The following NCF2 variants were observed in gnomAD, a reference collection of about 807,000 sequenced individuals.
NCF2 encodes the protein neutrophil cytosolic factor 2.
In NCF2, 45 loss-of-function variants were observed where a neutral mutation model predicts 70.9. That is an observed-to-expected ratio of 0.63 (90% CI 0.50 to 0.81). The LOEUF (loss-of-function observed/expected upper bound fraction) is 0.81. Among genes scored for constraint, NCF2 ranks in the 40% least tolerant of loss-of-function variants. The pLI, the probability that NCF2 is intolerant of heterozygous loss-of-function variation, is 0.00. For missense variants in NCF2, 522 were observed against 631.6 expected (o/e 0.83, Z 1.86); for synonymous variants, 203 against 233.6 (o/e 0.87, Z 1.19).
intron 13 of NCF2, among the ~76,000 whole-genome samples, chr1:183,562,839 A>AT (rs1481811834): frequency 6.6e-6 from 1 of 150,796 alleles, no homozygotes; most frequent in Non-Finnish European, 1.5e-5. Flanking sequence ...AAAAAAAAAA[A>AT]GGTGAAGAAT....
At chr1:183,573,421 G>T in intron 4 of NCF2, 129 bp from the exon 5 acceptor site, 1 of 895,200 alleles carries the variant, frequency 1.1e-6, no homozygotes, top group Non-Finnish European at 1.8e-6. Context: ...CCAAATGAGT[G>T]TTGTCATTCC....
At chr1:183,577,065 A>G (rs774524948) in intron 3 of NCF2, among the ~76,000 whole-genome samples, 19 of 152,264 alleles carry the variant, frequency 1.2e-4, no homozygotes, top group Non-Finnish European at 2.6e-4. Flanking sequence ...AAGAGGGGAC[A>G]GATTTATGCC....
At chr1:183,573,383 AT>A in intron 4 of NCF2, 91 bp from the exon 5 acceptor site, 1 of 1,165,330 alleles carries the variant, frequency 8.6e-7, no homozygotes, top group Non-Finnish European at 1.3e-6. Flanking sequence ...GCAAGAATTC[AT>A]TGAGATAACC....
At chr1:183,563,876 T>C (rs577412096) in intron 11 of NCF2, 129 bp downstream of exon 11, 12 of 1,087,180 alleles carry the variant, frequency 1.1e-5, no homozygotes, top group Middle Eastern at 2.1e-4. Context: ...TCATGGACTC[T>C]GTAAGGTAGC....
intron 3 of NCF2, among the ~76,000 whole-genome samples, chr1:183,575,255 A>C (rs1672748706): frequency 6.6e-6 from 1 of 152,224 alleles, no homozygotes; most frequent in Non-Finnish European, 1.5e-5. Context: ...GAATCACTTG[A>C]GGTCAGGAGT....
At chr1:183,559,948 T>G (rs1671968487) in intron 14 of NCF2, 148 bp downstream of exon 14, 3 of 798,154 alleles carry the variant, frequency 3.8e-6, no homozygotes, top group Non-Finnish European at 6.2e-6. Flanking sequence ...GTGCTCAACT[T>G]TGCTCCCTCC....
chr1:183,567,226 G>A lies in NCF2; in HGVS notation c.833C>T (p.Ala278Val). The A allele has an allele frequency of 6.2e-7, 1 of 1,614,050 alleles. No homozygotes were observed. Among genetic ancestry groups the A allele is most frequent in the South Asian group, 1.1e-5 (1 of 91,076 alleles). ...FVLKKGNDNW[A>V]TVMFNGQKGL... The stretch of plus-strand genomic sequence containing the variant: ...TACCTGCCCGTTGAACATGACCGTG[G>A]CCCAGTTATCATTGCCCTTCTTCAA... The change falls in exon 8 of 15, where the codon GCC becomes GTC. Residue 278 changes from alanine (A) to valine (V), a missense_variant. Ala to Val is a moderately conservative substitution (Grantham distance 64). Transcript: ENST00000367535.
Position 183,567,265 on chromosome 1 carries a change from T to A in NCF2, c.794A>T (p.Asn265Ile). ...TKEELQVMPG[N>I]IVFVLKKGND... ...GCCCTTCTTCAAGACAAAGACAATG[T>A]TCCCTGGCATGACCTGGAGCTCTTC... Residue 265 changes from asparagine to isoleucine, a missense_variant, in exon 8 of 15, where the codon AAC becomes ATC. Coordinates refer to ENST00000367535, the MANE Select transcript of NCF2 (RefSeq NM_000433.4). 1 of 1,614,140 alleles carries A rather than the reference T, an allele frequency of 6.2e-7. No homozygotes were observed. Among genetic ancestry groups the A allele is most frequent in the South Asian group, 1.1e-5 (1 of 91,078 alleles).
At chr1:183,585,624 C>CAAA (rs750881920) in intron 2 of NCF2, among the ~76,000 whole-genome samples, 8 of 114,602 alleles carry the variant, frequency 7.0e-5, no homozygotes, top group African/African-American at 3.2e-4. Context: ...AACTCCGTCT[C>CAAA]AAAAAAAAAA....
At chr1:183,593,593 C>T (rs1673724336), upstream of NCF2, among the ~76,000 whole-genome samples, 1 of 152,188 alleles carries the variant, frequency 6.6e-6, no homozygotes, top group Admixed American at 6.5e-5. Context: ...GCCTGCCTGG[C>T]TAGTTCCTAC....
intron 7 of NCF2, among the ~76,000 whole-genome samples, chr1:183,568,599 C>T (rs1306666380): frequency 6.6e-6 from 1 of 151,574 alleles, no homozygotes; most frequent in African/African-American, 2.4e-5. Context: ...TCCTTTTCTT[C>T]AGTCCTTCCT....
chr1:183,584,557 C>CA, intron 2 of NCF2, among the ~76,000 whole-genome samples: 1 of 152,306 alleles, frequency 6.6e-6, no homozygotes, highest in Admixed American at 6.5e-5. Context: ...TCCTGGGACT[C>CA]ACGGGCATTT....
chr1:183,570,651 AGCTGCACTGAGG>A lies in NCF2; in HGVS notation c.669+117_669+128del, dbSNP rs1292017589. The stretch of plus-strand genomic sequence containing the variant: ...CTGAGAGAGGGCAGGCAGATCCCTC[AGCTGCACTGAGG>A]GCCACTTGAAGGAGCCCTTACAATC... On this transcript the variant is annotated intron_variant, in intron 6 of 14. Transcript: ENST00000367535. 6 of 911,476 alleles carry A rather than the reference AGCTGCACTGAGG, an allele frequency of 6.6e-6. No homozygotes were observed. In the Admixed American group the frequency reaches 1.2e-4, roughly 18 times the overall value. 56.5% of individuals were successfully genotyped at this position (911,476 alleles called of 1,614,324 possible). A position where few individuals can be genotyped will look rare whatever the true frequency, so the allele number is the denominator to read the frequency against.
chr1:183,599,763 G>C, the NCF2 span, among the ~76,000 whole-genome samples: 17 of 152,122 alleles, frequency 1.1e-4, no homozygotes, highest in East Asian at 3.1e-3. Context: ...ATGTTGGCCA[G>C]GCTGGTCTCA....
chr1:183,594,388 G>A (rs537671896), upstream of NCF2, among the ~76,000 whole-genome samples: 2 of 152,286 alleles, frequency 1.3e-5, no homozygotes, highest in African/African-American at 4.8e-5. Context: ...CAGCCTAGGT[G>A]ACTGAGCAAG....
intron 2 of NCF2, among the ~76,000 whole-genome samples, chr1:183,583,140 C>A (rs1477257572): frequency 6.6e-6 from 1 of 152,060 alleles, no homozygotes; most frequent in African/African-American, 2.4e-5. Flanking sequence ...GCAACATCTG[C>A]CTCCCAGGTC....
In NCF2 at chr1:183,586,917, T is replaced by C. The variant is rs137854512; in HGVS notation, c.235A>G (p.Met79Val). ...TACTTCTCTGTCTGGTAGTAGAGCA[T>C]CCCTCGTTGGAAGTAAGCCACTGCC... ...HLAVAYFQRG[M>V]LYYQTEKYDL... The change falls in exon 2 of 15, where the codon ATG becomes GTG. Residue 79 changes from methionine (M) to valine (V), a missense_variant. By Grantham distance (21) the Met-to-Val change is conservative. Transcript: ENST00000367535. 12 of 1,613,990 alleles carry C rather than the reference T, an allele frequency of 7.4e-6. No individual in the cohort carries two copies. Among genetic ancestry groups the C allele is most frequent in the Non-Finnish European group, 9.3e-6 (11 of 1,179,974 alleles).
chr1:183,577,356 T>C (rs973985627), intron 3 of NCF2, among the ~76,000 whole-genome samples: 10 of 152,244 alleles, frequency 6.6e-5, no homozygotes, highest in Admixed American at 1.3e-4. Context: ...CATTTTTGCA[T>C]GGTCCTTTGC....
chr1:183,586,801 G>T, intron 2 of NCF2, 94 bp downstream of exon 2: 1 of 1,104,168 alleles, frequency 9.1e-7, no homozygotes, highest in Non-Finnish European at 1.4e-6. Context: ...AACAGAGGTT[G>T]GGAAGGTACT....
Sources: allele counts gnomAD v4.1 joint callset (sites outside exome capture counted in the v4.1 genomes callset), GRCh38; gene constraint gnomAD v4.1.1; transcripts MANE v1.5; gene names NCBI Gene and HGNC (gene_info 2026-07-23, HGNC 2026-07-21).